EPB41L4B: variants seen among roughly 807,000 people sequenced by gnomAD.
EPB41L4B encodes erythrocyte membrane protein band 4.1 like 4B.
Under a neutral mutation model 112.5 loss-of-function variants are expected in EPB41L4B, and 30 were observed. The ratio of observed to expected loss-of-function variants is 0.27; its 90% confidence interval spans 0.20 to 0.36. The LOEUF is 0.36. EPB41L4B is among the 10% of genes least tolerant of loss of function. The pLI, the probability that EPB41L4B is intolerant of heterozygous loss-of-function variation, is 1.00. For synonymous variants in EPB41L4B, 408 were observed against 439.7 expected (o/e 0.93, Z 0.90); for missense variants, 1,024 against 1,133.3 (o/e 0.90, Z 1.38).
chr9:109,200,202 GTTT>G (rs1453006295), intron 20 of EPB41L4B, 31 bp downstream of exon 20: 12 of 1,541,710 alleles, frequency 7.8e-6, no homozygotes, highest in Non-Finnish European at 8.1e-6. Flanking sequence ...CATCATAGTT[GTTT>G]TAATTGAAAA....
chr9:109,301,474 C>T (rs1388288980), intron 1 of EPB41L4B, among the ~76,000 whole-genome samples: 2 of 152,204 alleles, frequency 1.3e-5, no homozygotes, highest in Non-Finnish European at 2.9e-5. Context: ...CCCTTCTCAT[C>T]TCCCCAGAAA....
Position 109,182,664 on chromosome 9 carries a change from G to T in EPB41L4B, c.2487+65C>A, listed in dbSNP as rs559436830. On this transcript the variant is annotated intron_variant, in intron 24 of 25. Transcript: ENST00000374566. The stretch of plus-strand genomic sequence containing the variant: ...GGTTGACCTTGCTGTCTGGCATCCC[G>T]CAGAAAAGCACACCGCATGGGAACA... The T allele has an allele frequency of 4.1e-6, 5 of 1,227,744 alleles. No homozygotes were observed. In the East Asian group the frequency reaches 7.0e-5, roughly 17 times the overall value. The allele number at this position is 1,227,744 out of a possible 1,614,324, so 76.1% of individuals were successfully genotyped here. A position where few individuals can be genotyped will look rare whatever the true frequency, so the allele number is the denominator to read the frequency against.
At chr9:109,213,447 G>A (rs934254154) in intron 17 of EPB41L4B, among the ~76,000 whole-genome samples, 21 of 152,208 alleles carry the variant, frequency 1.4e-4, no homozygotes, top group African/African-American at 5.1e-4. Flanking sequence ...GTAGGAGGGA[G>A]AGACAACTAA....
intron 1 of EPB41L4B, among the ~76,000 whole-genome samples, chr9:109,290,047 TC>T (rs1481101106): frequency 1.3e-5 from 2 of 152,206 alleles, no homozygotes; most frequent in African/African-American, 4.8e-5. Context: ...ACGGCACCTG[TC>T]CGATGGTAAC....
At chr9:109,193,200 C>A (rs186005999) in intron 21 of EPB41L4B, among the ~76,000 whole-genome samples, 1 of 152,322 alleles carries the variant, frequency 6.6e-6, no homozygotes, top group East Asian at 1.9e-4. Flanking sequence ...GCACTCCAGG[C>A]AGGTTTCTGT....
chr9:109,318,150 CGTGTGTGTGTGTGT>C (rs3983533), intron 1 of EPB41L4B, among the ~76,000 whole-genome samples: 5 of 149,580 alleles, frequency 3.3e-5, no homozygotes, highest in African/African-American at 9.8e-5. Flanking sequence ...GGGGCATATA[CGTGTGTGTGTGTGT>C]GTGTGTGTGT....
chr9:109,237,195 C>T (rs1257227143), intron 15 of EPB41L4B, among the ~76,000 whole-genome samples: 4 of 152,182 alleles, frequency 2.6e-5, no homozygotes, highest in Admixed American at 2.6e-4. Flanking sequence ...GTCCTTATTC[C>T]TCCATCTTTG....
intron 22 of EPB41L4B, among the ~76,000 whole-genome samples, chr9:109,191,924 G>A (rs921351118): frequency 5.3e-5 from 8 of 152,166 alleles, no homozygotes; most frequent in South Asian, 2.1e-4. Context: ...ATGGATCGTC[G>A]GAAGCAACAG....
intron 2 of EPB41L4B, among the ~76,000 whole-genome samples, chr9:109,273,477 C>T (rs1383299739): frequency 6.6e-6 from 1 of 152,180 alleles, no homozygotes; most frequent in African/African-American, 2.4e-5. Flanking sequence ...GAACTCCTGA[C>T]CTCAGGTGAT....
chr9:109,228,405 T>C (rs1833855415), intron 15 of EPB41L4B, among the ~76,000 whole-genome samples: 2 of 152,200 alleles, frequency 1.3e-5, no homozygotes, highest in Admixed American at 6.5e-5. Flanking sequence ...TCTACTTATC[T>C]AGCATTTTCC....
rs17793365 is a variant in EPB41L4B at position 109,305,059 on chromosome 9, A to G, written c.306+15082T>C. 7.2e-3 allele frequency among the ~76,000 whole-genome samples: 1,097 copies of G among 152,226 alleles called. 27 individuals carry two copies. The East Asian group carries it at 0.093, about 13-fold the overall frequency. On this transcript the variant is annotated intron_variant, in intron 1 of 25. Coordinates refer to ENST00000374566, the MANE Select transcript of EPB41L4B (RefSeq NM_019114.5). ...ATTTTAAAAATCACTTGCAAAAACT[A>G]AAAAGGTCAATAATGCCATCTATTG...
intron 15 of EPB41L4B, among the ~76,000 whole-genome samples, chr9:109,221,433 C>T (rs1407925163): frequency 6.6e-6 from 1 of 152,152 alleles, no homozygotes; most frequent in African/African-American, 2.4e-5. Flanking sequence ...GCTTGGAAGG[C>T]CTGGAGAGGG....
intron 1 of EPB41L4B, among the ~76,000 whole-genome samples, chr9:109,304,873 G>A (rs373696874): frequency 6.6e-6 from 1 of 152,112 alleles, no homozygotes; most frequent in Non-Finnish European, 1.5e-5. Context: ...AGCGGCTGTC[G>A]GGGTTAGGAA....
chr9:109,211,536 A>G (rs1833171774), intron 17 of EPB41L4B, among the ~76,000 whole-genome samples: 1 of 148,876 alleles, frequency 6.7e-6, no homozygotes, highest in African/African-American at 2.5e-5. Context: ...TGGAGGTTGC[A>G]GTGAGCCGAG....
At chr9:109,287,362 T>C (rs1836329085) in intron 1 of EPB41L4B, among the ~76,000 whole-genome samples, 2 of 152,174 alleles carry the variant, frequency 1.3e-5, no homozygotes, top group Admixed American at 1.3e-4. Context: ...AAGTGCAACA[T>C]TAACAGGTCA....
intron 1 of EPB41L4B, among the ~76,000 whole-genome samples, chr9:109,314,568 G>A (rs1229963910): frequency 1.3e-5 from 2 of 151,952 alleles, no homozygotes; most frequent in Admixed American, 6.6e-5. Flanking sequence ...AGTATAGAAG[G>A]GGAGTTAGTG....
At chr9:109,303,264 A>AT (rs1277854908) in intron 1 of EPB41L4B, among the ~76,000 whole-genome samples, 3 of 152,126 alleles carry the variant, frequency 2.0e-5, no homozygotes, top group Admixed American at 6.5e-5. Flanking sequence ...AAAAAAAACA[A>AT]TTTTTAAATT....
At chr9:109,269,927 G>A (rs940454644) in intron 2 of EPB41L4B, among the ~76,000 whole-genome samples, 6 of 152,296 alleles carry the variant, frequency 3.9e-5, no homozygotes, top group Non-Finnish European at 5.9e-5. Flanking sequence ...ACACAAAAGC[G>A]AACAACAGAT....
At chr9:109,242,125 T>C (rs779548697) in intron 15 of EPB41L4B, among the ~76,000 whole-genome samples, 1 of 152,248 alleles carries the variant, frequency 6.6e-6, no homozygotes, top group Non-Finnish European at 1.5e-5. Flanking sequence ...ACAGGGCTGC[T>C]TGGAGGCATG....
Sources: gnomAD v4.1 joint callset for allele counts (sites outside exome capture counted in the v4.1 genomes callset) on GRCh38, gnomAD v4.1.1 for gene constraint, MANE v1.5 for transcripts, NCBI Gene and HGNC (gene_info 2026-07-23, HGNC 2026-07-21) for gene names.